The following PDE1A variants were observed in gnomAD, a reference collection of about 807,000 sequenced individuals.
The protein encoded by PDE1A is phosphodiesterase 1A.
In PDE1A, 35 loss-of-function variants were observed where a neutral mutation model predicts 61.7. That is an observed-to-expected ratio of 0.57 (90% CI 0.43 to 0.75). The LOEUF (loss-of-function observed/expected upper bound fraction) is 0.75, where lower values mean the gene tolerates loss of function less well. PDE1A is among the 30% of genes least tolerant of loss of function. The pLI is 0.00. For missense variants in PDE1A, 597 were observed against 630.6 expected (o/e 0.95, Z 0.57); for synonymous variants, 232 against 213.2 (o/e 1.09, Z -0.77).
chr2:182,344,420 T>A (rs833166), intron 1 of PDE1A, among the ~76,000 whole-genome samples: 41,908 of 151,978 alleles, frequency 0.28, 6,266 homozygotes, highest in East Asian at 0.49. Flanking sequence ...TCTTCCTAGC[T>A]ATTGTACTTA....
the PDE1A span, among the ~76,000 whole-genome samples, chr2:182,635,785 T>C: frequency 4.6e-5 from 7 of 151,884 alleles, no homozygotes; most frequent in Admixed American, 4.6e-4. Context: ...TCCAGCTTTA[T>C]TGAGGTATAA....
At chr2:182,165,707 G>A (rs1691620396), downstream of PDE1A, among the ~76,000 whole-genome samples, 1 of 152,120 alleles carries the variant, frequency 6.6e-6, no homozygotes, top group South Asian at 2.1e-4. Flanking sequence ...TACAGAATGG[G>A]TAGTAGAAGA....
chr2:182,234,874 T>C (rs1231537833), intron 3 of PDE1A, among the ~76,000 whole-genome samples: 2 of 152,214 alleles, frequency 1.3e-5, no homozygotes, highest in Non-Finnish European at 2.9e-5. Flanking sequence ...ATGCCAAAAT[T>C]TTTAGTCTGG....
the PDE1A span, among the ~76,000 whole-genome samples, chr2:182,676,354 A>G: frequency 6.6e-6 from 1 of 152,068 alleles, no homozygotes; most frequent in East Asian, 1.9e-4. Context: ...CCCTCCAAAG[A>G]CTGAACCAGG....
At chr2:182,313,882 T>C (rs1696159552) in intron 1 of PDE1A, among the ~76,000 whole-genome samples, 1 of 152,202 alleles carries the variant, frequency 6.6e-6, no homozygotes, top group African/African-American at 2.4e-5. Flanking sequence ...TTAAAAAGAC[T>C]GGGAATACCT....
intron 1 of PDE1A, among the ~76,000 whole-genome samples, chr2:182,351,035 T>C (rs1698844958): frequency 6.6e-6 from 1 of 152,264 alleles, no homozygotes; most frequent in Non-Finnish European, 1.5e-5. Flanking sequence ...TGTTTTTGCT[T>C]GTTCTTGTTT....
At position 182,278,627 on chromosome 2, in the gene PDE1A, T is replaced by C. The variant is rs942419114; in HGVS notation, c.54-14213A>G. Among the ~76,000 whole-genome samples the C allele has an allele frequency of 2.0e-5, 3 of 151,966 alleles. No homozygotes were observed. The East Asian group carries it at 5.8e-4, about 29-fold the overall frequency. ...TGTATTATGGACTAGACTTCAAAATTACATGGATACTTATCAACACTAAAA... is the reference window on the plus strand; with the variant it reads ...TGTATTATGGACTAGACTTCAAAATCACATGGATACTTATCAACACTAAAA... On this transcript the variant is annotated intron_variant, in intron 1 of 13. Transcript: ENST00000351439.
At chr2:182,275,984 C>A (rs1280580187) in intron 1 of PDE1A, among the ~76,000 whole-genome samples, 1 of 152,136 alleles carries the variant, frequency 6.6e-6, no homozygotes, top group East Asian at 1.9e-4. Context: ...AATTTCAACA[C>A]CTTCAACATA....
chr2:182,239,893 T>C (rs1424501434), intron 3 of PDE1A, among the ~76,000 whole-genome samples: 1 of 152,224 alleles, frequency 6.6e-6, no homozygotes, highest in Non-Finnish European at 1.5e-5. Context: ...TCAGTCTTCA[T>C]GTCAACTTAA....
At chr2:182,456,918 C>G (rs62189025) in intron 2 of PDE1A, among the ~76,000 whole-genome samples, 27,753 of 152,024 alleles carry the variant, frequency 0.18, 3,057 homozygotes, top group Middle Eastern at 0.35. Flanking sequence ...AAAATACAAT[C>G]TTTTATATTG....
chr2:182,317,795 T>G (rs1696440700), intron 1 of PDE1A, among the ~76,000 whole-genome samples: 1 of 151,760 alleles, frequency 6.6e-6, no homozygotes, highest in Non-Finnish European at 1.5e-5. Flanking sequence ...GGTGGGAAAA[T>G]AAATAGACAT....
At chr2:182,242,087 T>C in intron 2 of PDE1A, 3 of 1,299,476 alleles carry the variant, frequency 2.3e-6, no homozygotes, top group Non-Finnish European at 2.9e-6. Context: ...GATGTCACCA[T>C]GCTCCAAGCA....
rs538992825 is a variant in PDE1A, at chr2:182,508,998, C to G, written c.101+13278G>C. On this transcript the variant is annotated intron_variant, in intron 2 of 14. Transcript: ENST00000410103. ...ACAACAGTCCCCAGAGTGTGATATT[C>G]CCCTTCCTGTGTCCATGTGATCTCA... 3.5e-5 allele frequency among the ~76,000 whole-genome samples: 5 copies of G among 144,654 alleles called. No homozygotes were observed. The South Asian group carries it at 7.0e-4, about 20-fold the overall frequency. The allele number at this position is 144,654 out of a possible 152,430, so 94.9% of individuals were successfully genotyped here. A position where few individuals can be genotyped will look rare whatever the true frequency, so the allele number is the denominator to read the frequency against.
chr2:182,183,454 CT>C (rs1482278211), intron 13 of PDE1A, among the ~76,000 whole-genome samples: 7 of 152,182 alleles, frequency 4.6e-5, no homozygotes, highest in Non-Finnish European at 1.0e-4. Flanking sequence ...CAAAAGCCAA[CT>C]TTCCTGTTGG....
intron 1 of PDE1A, among the ~76,000 whole-genome samples, chr2:182,265,346 G>T (rs148031137): frequency 6.6e-6 from 1 of 151,858 alleles, no homozygotes; most frequent in African/African-American, 2.4e-5. Context: ...TGCTAGATTC[G>T]CTATTATTCA....
chr2:182,506,529 T>C (rs1559524082), intron 2 of PDE1A, among the ~76,000 whole-genome samples: 1 of 152,258 alleles, frequency 6.6e-6, no homozygotes, highest in Non-Finnish European at 1.5e-5. Context: ...TCTCATTTTT[T>C]CTTATCATTT....
chr2:182,609,530 C>T, the PDE1A span, among the ~76,000 whole-genome samples: 293 of 152,296 alleles, frequency 1.9e-3, 1 homozygote, highest in Non-Finnish European at 3.5e-3. Flanking sequence ...AGCAAGACCA[C>T]GAACCCACCA....
the PDE1A span, among the ~76,000 whole-genome samples, chr2:182,662,850 A>G: frequency 6.6e-6 from 1 of 152,226 alleles, no homozygotes; most frequent in Non-Finnish European, 1.5e-5. Context: ...TAAAATTAAG[A>G]GTTTCTGCAC....
chr2:182,383,069 C>G (rs975209913), intron 1 of PDE1A, among the ~76,000 whole-genome samples: 5 of 152,108 alleles, frequency 3.3e-5, no homozygotes, highest in African/African-American at 1.2e-4. Flanking sequence ...TTCTCCTTGC[C>G]TCATCTGCAA....
Sources: gnomAD v4.1 joint callset for allele counts (sites outside exome capture counted in the v4.1 genomes callset) on GRCh38, gnomAD v4.1.1 for gene constraint, MANE v1.5 for transcripts, NCBI Gene and HGNC (gene_info 2026-07-23, HGNC 2026-07-21) for gene names.